Variants in KLRF1 observed in about 807,000 individuals in gnomAD.
The protein encoded by KLRF1 is killer cell lectin like receptor F1.
KLRF1 carries 27 observed loss-of-function variants against 30.7 expected under a neutral mutation model. The ratio of observed to expected loss-of-function variants is 0.88; its 90% CI spans 0.65 to 1.21. The LOEUF is 1.21. Ranked by LOEUF, KLRF1 falls within the 50% of genes most tolerant of loss-of-function variation. The probability of loss-of-function intolerance (pLI) is 0.00; values close to 1 mark genes in which losing one functional copy is unlikely to be tolerated. For missense variants in KLRF1, 246 were observed against 259.3 expected, an observed-to-expected ratio of 0.95 and a Z score of 0.35; for synonymous variants, 92 against 89.3, an observed-to-expected ratio of 1.03 and a Z score of -0.17.
the KLRF1 span, among the ~76,000 whole-genome samples, chr12:9,804,959 G>A: frequency 1.3e-5 from 2 of 151,826 alleles, no homozygotes; most frequent in Admixed American, 1.3e-4. Context: ...GCATTTCTGA[G>A]ATACATTCTA....
the KLRF1 span, among the ~76,000 whole-genome samples, chr12:9,821,405 C>G: frequency 0.025 from 3,739 of 152,130 alleles, 151 homozygotes; most frequent in African/African-American, 0.085. Flanking sequence ...CTTATCCATA[C>G]CCCCATCAAG....
In KLRF1 at chr12:9,844,414, C is replaced by G; in HGVS notation, c.588-4C>G. 6.6e-7 allele frequency: 1 copy of G among 1,512,000 alleles called. No homozygotes were observed. Among genetic ancestry groups the G allele is most frequent in the Non-Finnish European group, 9.2e-7 (1 of 1,088,524 alleles). 93.7% of individuals were successfully genotyped at this position (1,512,000 alleles called of 1,614,324 possible). A position where few individuals can be genotyped will look rare whatever the true frequency, so the allele number is the denominator to read the frequency against. On this transcript the variant is annotated splice_region_variant and splice_polypyrimidine_tract_variant and intron_variant, in intron 5 of 5. Coordinates refer to ENST00000617889, the MANE Select transcript of KLRF1 (RefSeq NM_016523.3). ...TAACAAAGTATTTATTCTCTCTTCCCTAGATTCTTCATAAAGGGACCAGCT... is the reference window on the plus strand; with the variant it reads ...TAACAAAGTATTTATTCTCTCTTCCGTAGATTCTTCATAAAGGGACCAGCT...
chr12:9,842,434 G>A lies in KLRF1; in HGVS notation c.587+1G>A. ...ATGGTTCTCCAATAGATTCAAAGAT[G>A]TGAGTCTTTCTTAAAAGGCAATCTG... On this transcript the variant is annotated splice_donor_variant, in intron 5 of 5. Transcript: ENST00000617889. LOFTEE classifies it high-confidence loss of function. 1 of 1,610,758 alleles carries A rather than the reference G, an allele frequency of 6.2e-7. No individual in the cohort carries two copies. The highest frequency in any genetic ancestry group is 2.2e-5 in the East Asian group (1 of 44,718).
In KLRF1 at chr12:9,844,452, T is replaced by G; in HGVS notation, c.622T>G (p.Cys208Gly). ...FIKGPAKENS[C>G]AAIKESKIFS... is the part of the protein sequence containing the mutation. ...AAAGGGACCAGCTAAAGAAAACAGCTGTGCTGCCATTAAGGAAAGCAAAAT... is the reference window on the plus strand; with the variant it reads ...AAAGGGACCAGCTAAAGAAAACAGCGGTGCTGCCATTAAGGAAAGCAAAAT... Residue 208 changes from cysteine (C) to glycine (G), a missense_variant, in exon 6 of 6, where the codon TGT becomes GGT. Coordinates refer to ENST00000617889, the MANE Select transcript of KLRF1 (RefSeq NM_016523.3). 1 of 1,608,850 alleles carries G rather than the reference T, an allele frequency of 6.2e-7. No individual in the cohort carries two copies. Among genetic ancestry groups the G allele is most frequent in the East Asian group, 2.2e-5 (1 of 44,792 alleles).
chr12:9,833,901 C>CTTTTTTTTT lies in KLRF1; in HGVS notation c.334+466_334+474dup, dbSNP rs35443913. On this transcript the variant is annotated intron_variant, in intron 3 of 5. Coordinates refer to ENST00000617889, the MANE Select transcript of KLRF1 (RefSeq NM_016523.3). ...TTACCTTCTATTTTTAAATGTTTAA[C>CTTTTTTTTT]TTTTTTTTTTTTTTTTTTTTTTTTT... is the stretch of plus-strand genomic sequence containing the variant. Among the ~76,000 whole-genome samples, 30 of 82,404 alleles carry CTTTTTTTTT rather than the reference C, an allele frequency of 3.6e-4. 1 individual carries two copies. Among genetic ancestry groups the CTTTTTTTTT allele is most frequent in the African/African-American group, 1.6e-3 (28 of 18,062 alleles). The allele number at this position is 82,404 out of a possible 152,430, so 54.1% of individuals were successfully genotyped here.
intron 3 of KLRF1, among the ~76,000 whole-genome samples, chr12:9,836,605 T>A (rs1031925642): frequency 4.6e-5 from 7 of 152,176 alleles, no homozygotes; most frequent in Non-Finnish European, 1.0e-4. Context: ...CAGATAAATG[T>A]ATAATTATTA....
chr12:9,841,852 TTATTGGTTC>T lies in KLRF1; in HGVS notation c.377_385del (p.Tyr126_Phe128del). The T allele has an allele frequency of 6.2e-7, 1 of 1,607,812 alleles. No homozygotes were observed. On this transcript the variant is annotated inframe_deletion, in exon 4 of 6. Transcript: ENST00000617889. Reference sequence around the variant, plus strand: ...AATGGCTCAAATACCAAGGGAAGTGTTATTGGTTCTCTAATGAGATGAAAAGCTGGAGTG... The same window carrying T: ...AATGGCTCAAATACCAAGGGAAGTGTTCTAATGAGATGAAAAGCTGGAGTG...
At chr12:9,813,905 TC>T in the KLRF1 span, among the ~76,000 whole-genome samples, 2 of 151,962 alleles carry the variant, frequency 1.3e-5, no homozygotes, top group African/African-American at 2.4e-5. Context: ...ACAGCACTGT[TC>T]CAGGACGGAG....
the KLRF1 span, chr12:9,818,060 G>C: frequency 4.7e-6 from 1 of 210,940 alleles, no homozygotes; most frequent in Non-Finnish European, 1.1e-5. Context: ...GTTCCTGGAT[G>C]GTGGGCTGCA....
chr12:9,821,850 TCTGCCTAAGCACAACCTA>T, the KLRF1 span, among the ~76,000 whole-genome samples: 1 of 152,188 alleles, frequency 6.6e-6, no homozygotes, highest in Admixed American at 6.5e-5. Context: ...AACTGAACAC[TCTGCCTAAGCACAACCTA>T]CTGCATCACA....
At chr12:9,812,083 T>C in the KLRF1 span, among the ~76,000 whole-genome samples, 136 of 152,270 alleles carry the variant, frequency 8.9e-4, no homozygotes, top group African/African-American at 3.2e-3. Context: ...AGATTGGGTC[T>C]GGCCGGGCGC....
chr12:9,822,798 TA>T (rs57347520), upstream of KLRF1, among the ~76,000 whole-genome samples: 4 of 148,794 alleles, frequency 2.7e-5, no homozygotes, highest in East Asian at 2.0e-4. Flanking sequence ...TGAAAATCAG[TA>T]AAAAAAAACA....
chr12:9,821,953 G>A, the KLRF1 span, among the ~76,000 whole-genome samples: 1 of 152,192 alleles, frequency 6.6e-6, no homozygotes, highest in Non-Finnish European at 1.5e-5. Context: ...CAAGTCAGTT[G>A]CAAGTAAAGA....
the KLRF1 span, among the ~76,000 whole-genome samples, chr12:9,809,508 T>C: frequency 6.6e-6 from 1 of 152,162 alleles, no homozygotes; most frequent in Non-Finnish European, 1.5e-5. Context: ...GAACTAAAGC[T>C]ACTTAGCCAG....
At chr12:9,833,638 C>A (rs1867499402) in intron 3 of KLRF1, among the ~76,000 whole-genome samples, 186 bp downstream of exon 3, 1 of 152,102 alleles carries the variant, frequency 6.6e-6, no homozygotes, top group African/African-American at 2.4e-5. Context: ...GGTAAAACAA[C>A]ACAAGAAATA....
chr12:9,827,751 A>G (rs1867313389), intron 1 of KLRF1, 122 bp downstream of exon 1: 3 of 552,386 alleles, frequency 5.4e-6, no homozygotes, highest in Admixed American at 6.5e-5. Flanking sequence ...CCGTCTCTGT[A>G]TCTCTCTCAC....
At chr12:9,820,367 C>T in the KLRF1 span, among the ~76,000 whole-genome samples, 6 of 152,222 alleles carry the variant, frequency 3.9e-5, no homozygotes, top group African/African-American at 1.2e-4. Context: ...ACCTTGATCC[C>T]GTATCTCCTC....
intron 3 of KLRF1, among the ~76,000 whole-genome samples, chr12:9,835,060 G>A (rs1867541261): frequency 6.6e-6 from 1 of 152,088 alleles, no homozygotes; most frequent in African/African-American, 2.4e-5. Context: ...AATAGTGGAG[G>A]CAGAAAGTCC....
intron 2 of KLRF1, 46 bp downstream of exon 2, chr12:9,832,460 A>G: frequency 9.5e-7 from 1 of 1,052,956 alleles, no homozygotes; most frequent in Non-Finnish European, 1.5e-6. Context: ...AAAGATGTTT[A>G]CTTGTCTCTT....
Sources: gnomAD v4.1 joint callset for allele counts (sites outside exome capture counted in the v4.1 genomes callset) on GRCh38, gnomAD v4.1.1 for gene constraint, MANE v1.5 for transcripts, NCBI Gene and HGNC (gene_info 2026-07-23, HGNC 2026-07-21) for gene names.